Variants in ERN1 observed in about 807,000 individuals in gnomAD.
The protein encoded by ERN1 is serine/threonine-protein kinase/endoribonuclease IRE1.
In ERN1, 39 loss-of-function variants were observed where a neutral mutation model predicts 113.1. The ratio of observed to expected loss-of-function variants is 0.34; its 90% CI spans 0.27 to 0.45. The LOEUF is 0.45. ERN1 is among the 20% of genes least tolerant of loss of function. The pLI is 1.00. For synonymous variants in ERN1, 507 were observed against 515.9 expected, an observed-to-expected ratio of 0.98 and a Z score of 0.23; for missense variants, 976 against 1,274.8, an observed-to-expected ratio of 0.77 and a Z score of 3.57.
At position 64,063,895 on chromosome 17, in the gene ERN1, G is replaced by A; in HGVS notation, c.1087+91C>T. 7.8e-7 allele frequency: 1 copy of A among 1,282,382 alleles called. No homozygotes were observed. The highest frequency in any genetic ancestry group is 1.5e-5 in the African/African-American group (1 of 68,564). The allele number at this position is 1,282,382 out of a possible 1,614,324, so 79.4% of individuals were successfully genotyped here. A position where few individuals can be genotyped will look rare whatever the true frequency, so the allele number is the denominator to read the frequency against. On this transcript the variant is annotated intron_variant, in intron 10 of 21. Transcript: ENST00000433197. This position sits in a 1 kb window ranked among gnomAD's most constrained non-coding sequence, Gnocchi z 5.1. ...GGGCTCTGAGCACAAGGCCTTCCGAGCTCAGTACGGTGTAACTACCAGGGC... is the reference window on the plus strand; with the variant it reads ...GGGCTCTGAGCACAAGGCCTTCCGAACTCAGTACGGTGTAACTACCAGGGC...
chr17:64,066,022 T>C (rs1030194926), intron 8 of ERN1, among the ~76,000 whole-genome samples: 3 of 152,266 alleles, frequency 2.0e-5, no homozygotes, highest in African/African-American at 7.2e-5. Context: ...CGGCATATTA[T>C]CTTGTTTGAT....
At position 64,054,335 on chromosome 17, in the gene ERN1, G is replaced by C; in HGVS notation, c.1868C>G (p.Pro623Arg). ...CGTGCAGAAGTAGCGGATCACGTTC[G>C]GGTGCTCATCCGATTCTCGCAACAG... The part of the protein sequence containing the change: ...VQLLRESDEH[P>R]NVIRYFCTEK... The change falls in exon 15 of 22, where the codon CCG (proline) becomes CGG (arginine). Residue 623 changes from proline to arginine, a missense_variant. By Grantham distance (103) the Pro-to-Arg change is moderately radical. This residue lies in a region of ERN1 where 297 missense variants were observed against 457.8 expected (regional missense o/e 0.65). Transcript: ENST00000433197. The surrounding 1 kb of genome is among the most constrained non-coding windows in gnomAD (Gnocchi z 4.9). The C allele has an allele frequency of 6.2e-7, 1 of 1,613,214 alleles. No individual in the cohort carries two copies.
chr17:64,093,926 A>T (rs1228850844), intron 2 of ERN1, among the ~76,000 whole-genome samples: 2 of 152,162 alleles, frequency 1.3e-5, no homozygotes, highest in African/African-American at 4.8e-5. Context: ...TGAGAAATCG[A>T]TGAAGGTATT....
chr17:64,064,271 G>A (rs1162892197), intron 9 of ERN1, 120 bp from the exon 10 acceptor site: 2 of 1,141,636 alleles, frequency 1.8e-6, no homozygotes, highest in Non-Finnish European at 2.4e-6. Flanking sequence ...GTCCAGGACA[G>A]AGCAAGACAC....
chr17:64,062,025 T>C (rs891184528), intron 10 of ERN1, among the ~76,000 whole-genome samples: 1 of 152,392 alleles, frequency 6.6e-6, no homozygotes, highest in Admixed American at 6.5e-5. Flanking sequence ...CTGTACACAC[T>C]GGACCAACCA....
intron 1 of ERN1, among the ~76,000 whole-genome samples, chr17:64,114,444 A>G (rs1914753612): frequency 6.6e-6 from 1 of 152,202 alleles, no homozygotes. Context: ...GAAAGGGAGA[A>G]GGAAAGAAGA....
chr17:64,096,605 T>C lies in ERN1; in HGVS notation c.175+1516A>G, dbSNP rs147299540. On this transcript the variant is annotated intron_variant, in intron 2 of 21. Coordinates refer to ENST00000433197, the MANE Select transcript of ERN1 (RefSeq NM_001433.5). ...GAAAAACTTCCACGAAACTGGTCCC[T>C]GATGCAAAAAAGGTTGGGCACTGCT... 2.4e-4 allele frequency among the ~76,000 whole-genome samples: 36 copies of C among 152,290 alleles called. 1 individual carries two copies. In the East Asian group the frequency reaches 5.2e-3, roughly 22 times the overall value.
chr17:64,044,167 G>C lies in ERN1; in HGVS notation c.2755C>G (p.Arg919Gly). The change falls in exon 22 of 22, where the codon CGG becomes GGG. Residue 919 changes from arginine to glycine, a missense_variant. Physicochemically the swap from Arg to Gly is moderately radical, Grantham distance 125. Transcript: ENST00000433197. The surrounding 1 kb of genome is among the most constrained non-coding windows in gnomAD (Gnocchi z 4.1). Reference protein sequence around the residue: ...HHYRELPAEVRETLGSLPDDF... With the variant: ...HHYRELPAEVGETLGSLPDDF... ...TCGGGGAGGGACCCCAGCGTCTCCCGCACCTCTGCAGGCAGCTCCCGGTAG... is the reference window on the plus strand; with the variant it reads ...TCGGGGAGGGACCCCAGCGTCTCCCCCACCTCTGCAGGCAGCTCCCGGTAG... The C allele has an allele frequency of 1.3e-6, 2 of 1,584,240 alleles. No homozygotes were observed. The highest frequency in any genetic ancestry group is 1.7e-6 in the Non-Finnish European group (2 of 1,161,434).
Position 64,051,858 on chromosome 17 carries a change from T to C in ERN1, c.2253+922A>G, listed in dbSNP as rs1221159206. Among the ~76,000 whole-genome samples the C allele has an allele frequency of 3.9e-5, 6 of 152,316 alleles. No individual in the cohort carries two copies. The East Asian group carries it at 1.2e-3, about 29-fold the overall frequency. ...TATGGATTGAATATGAGATGATGGA[T>C]AGAAACAGTATTAACTGTTGAGGTG... On this transcript the variant is annotated intron_variant, in intron 17 of 21. Coordinates refer to ENST00000433197, the MANE Select transcript of ERN1 (RefSeq NM_001433.5).
chr17:64,055,040 G>A (rs921166776), intron 13 of ERN1, among the ~76,000 whole-genome samples: 2 of 152,134 alleles, frequency 1.3e-5, no homozygotes, highest in African/African-American at 2.4e-5. Flanking sequence ...TTCTGTCTCC[G>A]CCTTTACCTT....
chr17:64,077,512 T>A (rs1371188145), intron 4 of ERN1, among the ~76,000 whole-genome samples: 2 of 151,926 alleles, frequency 1.3e-5, no homozygotes, highest in Non-Finnish European at 2.9e-5. Flanking sequence ...TGGCTTTACA[T>A]AAGTGAATGG....
chr17:64,117,799 A>G (rs1427333130), intron 1 of ERN1, among the ~76,000 whole-genome samples: 1 of 152,120 alleles, frequency 6.6e-6, no homozygotes, highest in African/African-American at 2.4e-5. Context: ...GCTCTGCTCT[A>G]TGTTTCTCCC....
intron 1 of ERN1, among the ~76,000 whole-genome samples, chr17:64,108,873 A>C (rs1914600057): frequency 6.6e-6 from 1 of 152,198 alleles, no homozygotes; most frequent in Admixed American, 6.5e-5. Context: ...CTGTAATCCC[A>C]GCACTTTGGG....
chr17:64,084,680 T>C (rs1314555265), intron 2 of ERN1, among the ~76,000 whole-genome samples: 2 of 152,352 alleles, frequency 1.3e-5, no homozygotes, highest in East Asian at 3.9e-4. Context: ...CTCAAAATCC[T>C]TTGGTGGTTC....
Position 64,040,902 on chromosome 17 carries a change from T to C in ERN1, c.*3086A>G, listed in dbSNP as rs1412753633. 1 of 152,128 alleles carries C rather than the reference T, an allele frequency of 6.6e-6. No homozygotes were observed. Among genetic ancestry groups the C allele is most frequent in the Non-Finnish European group, 1.5e-5 (1 of 68,034 alleles). The allele number at this position is 152,128 out of a possible 1,614,324, so 9.4% of individuals were successfully genotyped here. On this transcript the variant is annotated 3_prime_UTR_variant, in exon 22 of 22. Coordinates refer to ENST00000433197, the MANE Select transcript of ERN1 (RefSeq NM_001433.5). ...GGCTCAAGCCTGTAATCCCAGCACTTTGGGAGGCTGAGGCAGGCGGATCAC... is the reference window on the plus strand; with the variant it reads ...GGCTCAAGCCTGTAATCCCAGCACTCTGGGAGGCTGAGGCAGGCGGATCAC...
chr17:64,096,418 A>C (rs1914231458), intron 2 of ERN1, among the ~76,000 whole-genome samples: 1 of 152,250 alleles, frequency 6.6e-6, no homozygotes, highest in African/African-American at 2.4e-5. Context: ...AGTTGCAGGA[A>C]AAGAAGCTCA....
In ERN1 at chr17:64,129,995, A is replaced by G; in HGVS notation, c.35T>C (p.Leu12Pro). The change falls in exon 1 of 22, where the codon CTG becomes CCG. Residue 12 changes from leucine to proline, a missense_variant. Physicochemically the swap from Leu to Pro is moderately conservative, Grantham distance 98. Around this residue, in one of 5 missense-constraint regions of ERN1, gnomAD observed 459 missense variants for 581.2 expected, o/e 0.79. Coordinates refer to ENST00000433197, the MANE Select transcript of ERN1 (RefSeq NM_001433.5). Reference sequence around the variant, plus strand: ...ACTCACCCCGAGGCCGGGCAGCAGCAGCGTCAGCAGCAGCAGCAGCCGCCG... The same window carrying G: ...ACTCACCCCGAGGCCGGGCAGCAGCGGCGTCAGCAGCAGCAGCAGCCGCCG... ...PARRLLLLLT[L>P]LLPGLGIFGS... The G allele has an allele frequency of 1.4e-6, 2 of 1,448,308 alleles. No individual in the cohort carries two copies. The highest frequency in any genetic ancestry group is 1.8e-6 in the Non-Finnish European group (2 of 1,106,158). The allele number at this position is 1,448,308 out of a possible 1,614,324, so 89.7% of individuals were successfully genotyped here.
intron 1 of ERN1, among the ~76,000 whole-genome samples, chr17:64,105,586 G>T (rs1914503616): frequency 6.6e-6 from 1 of 152,026 alleles, no homozygotes; most frequent in Non-Finnish European, 1.5e-5. Context: ...GTGTGTGTGT[G>T]TTTTTGTTTG....
chr17:64,048,925 T>A, intron 18 of ERN1, 130 bp downstream of exon 18: 1 of 918,590 alleles, frequency 1.1e-6, no homozygotes, highest in Non-Finnish European at 1.5e-6. Context: ...CTGGAGGTCC[T>A]GAGGCCTGCG....
Sources: gnomAD v4.1 joint callset for allele counts (sites outside exome capture counted in the v4.1 genomes callset) on GRCh38, gnomAD v4.1.1 for gene constraint, gnomAD v4.1.1 regional missense constraint, Gnocchi (gnomAD v3.1) non-coding constraint, MANE v1.5 for transcripts, NCBI Gene and HGNC (gene_info 2026-07-23, HGNC 2026-07-21) for gene names.